The following CDKL3 variants were observed in gnomAD, a reference collection of about 807,000 sequenced individuals.
CDKL3 encodes the protein cyclin-dependent kinase-like 3.
In CDKL3, 65 loss-of-function variants were observed where a neutral mutation model predicts 69.3. That is an observed-to-expected ratio of 0.94 (90% CI 0.77 to 1.15). The LOEUF is 1.15. Ranked by LOEUF, CDKL3 falls within the 50% of genes most tolerant of loss-of-function variation. The probability of loss-of-function intolerance (pLI) is 0.00; values close to 1 mark genes in which losing one functional copy is unlikely to be tolerated. For synonymous variants in CDKL3, 202 were observed against 221.6 expected (o/e 0.91, Z 0.79); for missense variants, 652 against 689.2 (o/e 0.95, Z 0.61).
intron 5 of CDKL3, 118 bp downstream of exon 5, chr5:134,321,673 A>G: frequency 6.7e-6 from 4 of 596,474 alleles, no homozygotes; most frequent in Middle Eastern, 2.9e-4. Context: ...GCTGCCATCT[A>G]TCAAAACAAT....
At chr5:134,368,806 G>C (rs565942912), upstream of CDKL3, among the ~76,000 whole-genome samples, 1 of 152,108 alleles carries the variant, frequency 6.6e-6, no homozygotes, top group Non-Finnish European at 1.5e-5. Context: ...GGGAGGCCAA[G>C]GTGGGCAGAT....
chr5:134,371,473 T>TCGG (rs34763898), upstream of CDKL3: 71,214 of 1,142,694 alleles, frequency 0.062, 2,058 homozygotes, highest in Admixed American at 0.086. Context: ...TTTGTCAGTC[T>TCGG]CGGCGGCGGC....
At position 134,317,794 on chromosome 5, in the gene CDKL3, G is replaced by A. The variant is rs146892392; in HGVS notation, c.792+1564C>T. 3.3e-5 allele frequency among the ~76,000 whole-genome samples: 5 copies of A among 152,070 alleles called. No homozygotes were observed. In the East Asian group the frequency reaches 9.7e-4, roughly 29 times the overall value. On this transcript the variant is annotated intron_variant, in intron 6 of 12. Transcript: ENST00000265334. Reference sequence around the variant, plus strand: ...ATACAAAAATTATCTGGGCATCCAGGCTACTCGGGAGGCTGAGTTGGGAGG... The same window carrying A: ...ATACAAAAATTATCTGGGCATCCAGACTACTCGGGAGGCTGAGTTGGGAGG...
chr5:134,350,373 T>C lies in CDKL3; in HGVS notation c.415A>G (p.Thr139Ala). The C allele has an allele frequency of 1.3e-6, 2 of 1,581,452 alleles. No homozygotes were observed. The highest frequency in any genetic ancestry group is 8.6e-7 in the Non-Finnish European group (1 of 1,162,864). Residue 139 changes from threonine (T) to alanine (A), a missense_variant, in exon 4 of 13, where the codon ACT becomes GCT. Physicochemically the swap from Thr to Ala is moderately conservative, Grantham distance 58. Coordinates refer to ENST00000265334, the MANE Select transcript of CDKL3 (RefSeq NM_001113575.2). The stretch of plus-strand genomic sequence containing the variant: ...GCAAAACCAAAATCACAGAGCTTAG[T>C]AATTCCTGACTGGGATACTAAAATA... Reference protein sequence around the residue: ...ENILVSQSGITKLCDFGFART... With the variant: ...ENILVSQSGIAKLCDFGFART...
intron 12 of CDKL3, among the ~76,000 whole-genome samples, chr5:134,300,825 CAT>C (rs1172805488): frequency 6.6e-6 from 1 of 152,070 alleles, no homozygotes; most frequent in Non-Finnish European, 1.5e-5. Flanking sequence ...GGGATAAACA[CAT>C]GAGGCACATT....
rs148386010 is a variant in CDKL3, at chr5:134,298,526, C to G, written c.*125G>C. On this transcript the variant is annotated 3_prime_UTR_variant, in exon 13 of 13. Coordinates refer to ENST00000265334, the MANE Select transcript of CDKL3 (RefSeq NM_001113575.2). Reference sequence around the variant, plus strand: ...GTAAATGTTTTGCTAACAAAAAAAGCTGGATGATGCTCATGCACATGGATG... The same window carrying G: ...GTAAATGTTTTGCTAACAAAAAAAGGTGGATGATGCTCATGCACATGGATG... 123 of 1,442,970 alleles carry G rather than the reference C, an allele frequency of 8.5e-5. No homozygotes were observed. Among genetic ancestry groups the G allele is most frequent in the Admixed American group, 7.1e-4 (27 of 38,068 alleles). The allele number at this position is 1,442,970 out of a possible 1,614,324, so 89.4% of individuals were successfully genotyped here.
upstream of CDKL3, chr5:134,367,204 G>T (rs1412624114): frequency 1.0e-6 from 1 of 985,686 alleles, no homozygotes; most frequent in Non-Finnish European, 1.2e-6. Context: ...CATGGGCAGG[G>T]TCCCGACCCG....
chr5:134,352,143 T>C (rs1753452883), intron 3 of CDKL3, among the ~76,000 whole-genome samples: 1 of 152,180 alleles, frequency 6.6e-6, no homozygotes, highest in Non-Finnish European at 1.5e-5. Flanking sequence ...ATGCGGTATT[T>C]GTCCTCTGTA....
upstream of CDKL3, chr5:134,370,975 C>T (rs1758332338): frequency 6.2e-6 from 1 of 160,002 alleles, no homozygotes. Flanking sequence ...CCGCCCTCAC[C>T]CTCTTAAACC....
intron 4 of CDKL3, among the ~76,000 whole-genome samples, chr5:134,336,111 A>C (rs960154491): frequency 6.6e-6 from 1 of 152,168 alleles, no homozygotes; most frequent in Admixed American, 6.5e-5. Context: ...ACTTGATCAA[A>C]TCAGCTATTG....
intron 6 of CDKL3, among the ~76,000 whole-genome samples, chr5:134,316,987 T>G (rs1424478558): frequency 2.0e-5 from 3 of 152,144 alleles, no homozygotes; most frequent in Non-Finnish European, 4.4e-5. Context: ...TTTTATATTT[T>G]TTCTATAATT....
At chr5:134,367,985 GCTTT>G (rs1757847074), upstream of CDKL3, among the ~76,000 whole-genome samples, 7 of 152,278 alleles carry the variant, frequency 4.6e-5, no homozygotes, top group African/African-American at 1.7e-4. Flanking sequence ...GGCTTTCTTT[GCTTT>G]CTTCTATAAA....
chr5:134,351,461 C>T (rs1016174221), intron 3 of CDKL3, among the ~76,000 whole-genome samples: 2 of 152,084 alleles, frequency 1.3e-5, no homozygotes, highest in African/African-American at 4.8e-5. Flanking sequence ...TTGCCCAGAC[C>T]AGAGTGCAAA....
chr5:134,339,169 A>T (rs191994790), intron 4 of CDKL3, among the ~76,000 whole-genome samples: 19 of 152,304 alleles, frequency 1.2e-4, no homozygotes, highest in Non-Finnish European at 1.5e-5. Context: ...CTCACAAAAA[A>T]TAAATAAATA....
At chr5:134,320,901 T>TA (rs796616080) in intron 5 of CDKL3, among the ~76,000 whole-genome samples, 16 of 148,984 alleles carry the variant, frequency 1.1e-4, no homozygotes, top group African/African-American at 3.9e-4. Context: ...ATTTAAAATT[T>TA]AAAAAACCCA....
chr5:134,369,469 T>C (rs145052027), upstream of CDKL3, among the ~76,000 whole-genome samples: 1 of 152,306 alleles, frequency 6.6e-6, no homozygotes, highest in Non-Finnish European at 1.5e-5. Context: ...ATCTTGCCCA[T>C]AGTTCCATGG....
chr5:134,289,912 T>G, intron 8 of CDKL3, among the ~76,000 whole-genome samples: 1 of 152,194 alleles, frequency 6.6e-6, no homozygotes, highest in East Asian at 1.9e-4. Context: ...TAAAATTATA[T>G]TTCATTCTTC....
At chr5:134,329,498 G>C (rs1581026904) in intron 4 of CDKL3, among the ~76,000 whole-genome samples, 1 of 151,548 alleles carries the variant, frequency 6.6e-6, no homozygotes, top group Middle Eastern at 3.4e-3. Flanking sequence ...TTTTGAGACA[G>C]AGTCTCGCTC....
chr5:134,319,143 C>T (rs192240236), intron 6 of CDKL3: 1 of 346,186 alleles, frequency 2.9e-6, no homozygotes, highest in African/African-American at 2.2e-5. Context: ...CAACCACAGC[C>T]AACACGGTGA....
Sources: gnomAD v4.1 joint callset for allele counts (sites outside exome capture counted in the v4.1 genomes callset) on GRCh38, gnomAD v4.1.1 for gene constraint, MANE v1.5 for transcripts, NCBI Gene and HGNC (gene_info 2026-07-23, HGNC 2026-07-21) for gene names.